CD163L1: variants seen among roughly 807,000 people sequenced by gnomAD.
CD163L1 encodes scavenger receptor cysteine-rich type 1 protein M160.
CD163L1 carries 124 observed loss-of-function variants against 165.4 expected under a neutral mutation model. The observed-to-expected ratio is 0.75, with a 90% confidence interval of 0.65 to 0.87. The LOEUF (loss-of-function observed/expected upper bound fraction) is 0.87. Among genes scored for constraint, CD163L1 ranks in the 40% least tolerant of loss-of-function variants. CD163L1 has a pLI of 0.00. For synonymous variants in CD163L1, 585 were observed against 662.2 expected, an observed-to-expected ratio of 0.88 and a Z score of 1.79; for missense variants, 1,525 against 1,799.9, an observed-to-expected ratio of 0.85 and a Z score of 2.76.
At chr12:7,386,287 A>T (rs998876543) in intron 8 of CD163L1, among the ~76,000 whole-genome samples, 1 of 152,118 alleles carries the variant, frequency 6.6e-6, no homozygotes, top group Non-Finnish European at 1.5e-5. Context: ...GGAATCCTGA[A>T]CAGATCAATC....
Position 7,374,365 on chromosome 12 carries a change from C to T in CD163L1, c.3409+77G>A, listed in dbSNP as rs1947208154. 4 of 1,452,022 alleles carry T rather than the reference C, an allele frequency of 2.8e-6. No individual in the cohort carries two copies. In the South Asian group the frequency reaches 4.0e-5, roughly 15 times the overall value. 89.9% of individuals were successfully genotyped at this position (1,452,022 alleles called of 1,614,324 possible). On this transcript the variant is annotated intron_variant, in intron 13 of 19. Transcript: ENST00000313599. The surrounding 1 kb of genome is among the most constrained non-coding windows in gnomAD (Gnocchi z 5.4). ...TTCCTAGGCCATACACTTTTCACTACACTTTACAATTGTGTTGTGTGTGTG... is the reference window on the plus strand; with the variant it reads ...TTCCTAGGCCATACACTTTTCACTATACTTTACAATTGTGTTGTGTGTGTG...
rs1262561299 is a variant in CD163L1 at position 7,347,474 on chromosome 12, T to A, written c.*25-327A>T. Among the ~76,000 whole-genome samples, 3 of 152,170 alleles carry A rather than the reference T, an allele frequency of 2.0e-5. No individual in the cohort carries two copies. Among genetic ancestry groups the A allele is most frequent in the Non-Finnish European group, 4.4e-5 (3 of 68,024 alleles). ...TATAACCAGTTTATCTTGGTTAATT[T>A]CTAAGGTAAAAAGGAATGGTCTCGG... is the stretch of plus-strand genomic sequence containing the variant. On this transcript the variant is annotated intron_variant, in intron 4 of 4. Coordinates refer to the CD163L1 transcript ENST00000539726. This position sits in a 1 kb window ranked among gnomAD's most constrained non-coding sequence, Gnocchi z 4.2.
At chr12:7,391,202 C>T (rs1336604847) in intron 8 of CD163L1, among the ~76,000 whole-genome samples, 4 of 152,128 alleles carry the variant, frequency 2.6e-5, no homozygotes, top group African/African-American at 7.2e-5. Flanking sequence ...CACACCAAAA[C>T]CTCATCTGTA....
In CD163L1 at chr12:7,375,468, G is replaced by C; in HGVS notation, c.2814C>G (p.Cys938Trp). 1 of 1,614,142 alleles carries C rather than the reference G, an allele frequency of 6.2e-7. No individual in the cohort carries two copies. Among genetic ancestry groups the C allele is most frequent in the Non-Finnish European group, 8.5e-7 (1 of 1,180,030 alleles). The change falls in exon 11 of 20, where the codon TGC (cysteine) becomes TGG (tryptophan). Residue 938 changes from cysteine (C) to tryptophan (W), a missense_variant. Transcript: ENST00000313599. The part of the protein sequence containing the change: ...HWDPEDARVL[C>W]RQLSCGTALS... The stretch of plus-strand genomic sequence containing the variant: ...GAGCAGTCCCACAGCTGAGCTGTCT[G>C]CATAGAACACGGGCATCTTCTGGGT...
chr12:7,432,847 T>TA lies in CD163L1; in HGVS notation c.446-112dup, dbSNP rs141002179. ...TGTTATGAATGAAGTTACCAAAAAT[T>TA]AAAAAAAAATAACTGAAAATACTTA... On this transcript the variant is annotated intron_variant, in intron 3 of 19. Coordinates refer to ENST00000313599, the MANE Select transcript of CD163L1 (RefSeq NM_174941.6). This position sits in a 1 kb window ranked among gnomAD's most constrained non-coding sequence, Gnocchi z 4.2. The TA allele has an allele frequency of 0.048, 40,445 of 846,380 alleles. 1,092 individuals carry two copies. The highest frequency in any genetic ancestry group is 0.12 in the East Asian group (4,379 of 35,938). The allele number at this position is 846,380 out of a possible 1,614,324, so 52.4% of individuals were successfully genotyped here. A position where few individuals can be genotyped will look rare whatever the true frequency, so the allele number is the denominator to read the frequency against.
At position 7,366,918 on chromosome 12, in the gene CD163L1, G is replaced by A. The variant is rs117231136; in HGVS notation, c.4279+318C>T. ...ATTGGAAAACAATTATTGTTTATTG[G>A]GTTTGTAATGAAACTGTGGACCAGG... On this transcript the variant is annotated intron_variant, in intron 18 of 19. Coordinates refer to ENST00000313599, the MANE Select transcript of CD163L1 (RefSeq NM_174941.6). Among the ~76,000 whole-genome samples the A allele has an allele frequency of 1.6e-4, 24 of 152,150 alleles. 1 individual carries two copies. In the East Asian group the frequency reaches 3.5e-3, roughly 22 times the overall value.
chr12:7,422,196 G>A (rs920715961), intron 4 of CD163L1, among the ~76,000 whole-genome samples: 5 of 151,986 alleles, frequency 3.3e-5, no homozygotes, highest in Non-Finnish European at 7.4e-5. Flanking sequence ...TGGAGAAGAG[G>A]GGCATGACTG....
At chr12:7,324,110 C>T in the CD163L1 span, among the ~76,000 whole-genome samples, 2 of 151,168 alleles carry the variant, frequency 1.3e-5, no homozygotes, top group African/African-American at 2.4e-5. Context: ...CCCAGGAGGT[C>T]GAGGCTGCAG....
chr12:7,338,853 T>G, the CD163L1 span, among the ~76,000 whole-genome samples: 9 of 152,214 alleles, frequency 5.9e-5, no homozygotes, highest in African/African-American at 2.2e-4. Context: ...GAGAATTCCA[T>G]GTCCTCTCTC....
At chr12:7,394,455 A>C (rs923638305) in intron 8 of CD163L1, among the ~76,000 whole-genome samples, 29 of 152,244 alleles carry the variant, frequency 1.9e-4, no homozygotes, top group Non-Finnish European at 7.3e-5. Context: ...AGATGAATTA[A>C]AGACTTCAAT....
intron 4 of CD163L1, among the ~76,000 whole-genome samples, chr12:7,428,774 T>C (rs1948584586): frequency 6.6e-6 from 1 of 152,106 alleles, no homozygotes; most frequent in African/African-American, 2.4e-5. Flanking sequence ...TTGGGGACAT[T>C]TGTGGTTACT....
intron 5 of CD163L1, 122 bp downstream of exon 5, chr12:7,406,410 A>G: frequency 2.3e-6 from 2 of 867,658 alleles, no homozygotes; most frequent in East Asian, 5.2e-5. Flanking sequence ...ACACATCACA[A>G]TTGGTTGTAA....
rs776099699 is a variant in CD163L1, at chr12:7,375,270, T to C, written c.3001+11A>G. 5 of 1,612,740 alleles carry C rather than the reference T, an allele frequency of 3.1e-6. No homozygotes were observed. In the African/African-American group the frequency reaches 5.3e-5, roughly 17 times the overall value. On this transcript the variant is annotated intron_variant, in intron 11 of 19. Transcript: ENST00000313599. ...ATTGACAGTAGTTAACCATAAGCAC[T>C]ATTCTCTTACCTGTGCAGATCACAG...
intron 18 of CD163L1, 38 bp downstream of exon 18, chr12:7,367,198 C>A (rs1373775169): frequency 7.8e-7 from 1 of 1,284,272 alleles, no homozygotes; most frequent in East Asian, 2.4e-5. Flanking sequence ...CATATTCCCA[C>A]CCTCTCCATG....
chr12:7,324,184 G>A, the CD163L1 span: 1 of 1,460,340 alleles, frequency 6.8e-7, no homozygotes, highest in Non-Finnish European at 9.2e-7. Context: ...TATATAAGTA[G>A]GATGTGTAAT....
intron 8 of CD163L1, among the ~76,000 whole-genome samples, chr12:7,387,133 A>T (rs1006071270): frequency 2.0e-5 from 3 of 152,252 alleles, no homozygotes; most frequent in Non-Finnish European, 2.9e-5. Flanking sequence ...AAGTTACAGC[A>T]TACAAAATCA....
intron 2 of CD163L1, among the ~76,000 whole-genome samples, chr12:7,436,548 G>C (rs963036741): frequency 1.3e-5 from 2 of 152,060 alleles, no homozygotes; most frequent in African/African-American, 4.8e-5. Flanking sequence ...GAGGTGGGAG[G>C]ACTGCTTGAG....
At position 7,374,309 on chromosome 12, in the gene CD163L1, G is replaced by A; in HGVS notation, c.3409+133C>T. On this transcript the variant is annotated intron_variant, in intron 13 of 19. Coordinates refer to ENST00000313599, the MANE Select transcript of CD163L1 (RefSeq NM_174941.6). This position sits in a 1 kb window ranked among gnomAD's most constrained non-coding sequence, Gnocchi z 5.4. ...ATTAAGAAATCAGTATAAGAGAATA[G>A]GATTAAAACCAAGTGGATTTTTTGT... 1.2e-6 allele frequency: 1 copy of A among 855,356 alleles called. No individual in the cohort carries two copies. The highest frequency in any genetic ancestry group is 1.8e-6 in the Non-Finnish European group (1 of 557,890). The allele number at this position is 855,356 out of a possible 1,614,324, so 53.0% of individuals were successfully genotyped here.
At chr12:7,357,768 T>A (rs1348098352) in intron 18 of CD163L1, among the ~76,000 whole-genome samples, 1 of 152,152 alleles carries the variant, frequency 6.6e-6, no homozygotes, top group Non-Finnish European at 1.5e-5. Context: ...ATATTTATAT[T>A]TTGATTTTAA....
Sources: allele counts gnomAD v4.1 joint callset (sites outside exome capture counted in the v4.1 genomes callset), GRCh38; gene constraint gnomAD v4.1.1; non-coding constraint Gnocchi (gnomAD v3.1); transcripts MANE v1.5; gene names NCBI Gene and HGNC (gene_info 2026-07-23, HGNC 2026-07-21).